The following RNF220 variants were observed in gnomAD, a reference collection of about 807,000 sequenced individuals.
RNF220 encodes the protein E3 ubiquitin-protein ligase RNF220.
In RNF220, 7 loss-of-function variants were observed where a neutral mutation model predicts 67.1. The observed-to-expected ratio is 0.10, with a 90% CI of 0.06 to 0.20. RNF220 has a LOEUF of 0.20. Among genes scored for constraint, RNF220 ranks in the 10% least tolerant of loss-of-function variants. The pLI is 1.00. For missense variants in RNF220, 565 were observed against 740.3 expected (o/e 0.76, Z 2.75); for synonymous variants, 270 against 283.2 (o/e 0.95, Z 0.47).
At chr1:44,548,659 T>A (rs975249307) in intron 2 of RNF220, among the ~76,000 whole-genome samples, 5 of 152,142 alleles carry the variant, frequency 3.3e-5, no homozygotes, top group Non-Finnish European at 5.9e-5. Flanking sequence ...GCTTAATTTT[T>A]AAAAATTATT....
chr1:44,494,274 G>A (rs952947109), intron 2 of RNF220, among the ~76,000 whole-genome samples: 2 of 151,940 alleles, frequency 1.3e-5, no homozygotes, highest in African/African-American at 4.8e-5. Context: ...GTGGAGAAGG[G>A]ATGAAGGGAT....
At chr1:44,640,490 A>G (rs1209211817) in intron 8 of RNF220, among the ~76,000 whole-genome samples, 1 of 152,162 alleles carries the variant, frequency 6.6e-6, no homozygotes, top group Admixed American at 6.5e-5. Context: ...TTTGGAACAC[A>G]ATTGTTAAGC....
intron 2 of RNF220, among the ~76,000 whole-genome samples, chr1:44,585,884 TA>T (rs1174895696): frequency 6.6e-6 from 1 of 152,186 alleles, no homozygotes; most frequent in Non-Finnish European, 1.5e-5. Context: ...ATGTTTGGTT[TA>T]GGTAATTTGC....
At chr1:44,505,812 C>A (rs930537790) in intron 2 of RNF220, among the ~76,000 whole-genome samples, 4 of 152,102 alleles carry the variant, frequency 2.6e-5, no homozygotes, top group South Asian at 4.1e-4. Context: ...ATGAACAATG[C>A]GACATGGCGC....
At chr1:44,501,506 C>T (rs891856039) in intron 2 of RNF220, among the ~76,000 whole-genome samples, 3 of 150,266 alleles carry the variant, frequency 2.0e-5, no homozygotes, top group Non-Finnish European at 2.9e-5. Context: ...CTTCCCGGGC[C>T]CAGGTGGAGG....
In RNF220 at chr1:44,645,682, G is replaced by A. The variant is rs979519920; in HGVS notation, c.1445+194G>A. On this transcript the variant is annotated intron_variant, in intron 12 of 14. Coordinates refer to ENST00000361799, the MANE Select transcript of RNF220 (RefSeq NM_018150.4). The surrounding 1 kb of genome is among the most constrained non-coding windows in gnomAD (Gnocchi z 5.0). ...CTCTGTGAATTGATCACTGGGCCAC[G>A]GCCCCAGAAGCCTTGGCGGTGGGAG... is the stretch of plus-strand genomic sequence containing the variant. Among the ~76,000 whole-genome samples, 2 of 152,204 alleles carry A rather than the reference G, an allele frequency of 1.3e-5. No individual in the cohort carries two copies. Among genetic ancestry groups the A allele is most frequent in the Non-Finnish European group, 2.9e-5 (2 of 68,036 alleles).
Position 44,548,034 on chromosome 1 carries a change from G to A in RNF220, c.626-66131G>A, listed in dbSNP as rs540639282. ...TTTTCTCTCTACCACGAACAGTACC[G>A]CTATTGTCCCAGGCCCTTAAGCCAG... On this transcript the variant is annotated intron_variant, in intron 2 of 14. Coordinates refer to ENST00000361799, the MANE Select transcript of RNF220 (RefSeq NM_018150.4). 3.9e-5 allele frequency among the ~76,000 whole-genome samples: 6 copies of A among 152,080 alleles called. 1 individual carries two copies. In the East Asian group the frequency reaches 9.7e-4, roughly 25 times the overall value.
intron 2 of RNF220, among the ~76,000 whole-genome samples, chr1:44,436,813 C>CA (rs1334700852): frequency 1.3e-5 from 2 of 152,158 alleles, no homozygotes; most frequent in African/African-American, 2.4e-5. Context: ...AAAACATACT[C>CA]ACACTCTTGG....
chr1:44,460,737 A>G (rs947272171), intron 2 of RNF220, among the ~76,000 whole-genome samples: 38 of 152,230 alleles, frequency 2.5e-4, no homozygotes, highest in Non-Finnish European at 8.8e-5. Flanking sequence ...CCCCAGCTAA[A>G]GAGGCCGTGC....
intron 8 of RNF220, chr1:44,636,422 G>A (rs974018437): frequency 2.8e-6 from 2 of 719,474 alleles, no homozygotes; most frequent in African/African-American, 1.7e-5. Context: ...AGCTTCGGGT[G>A]ATGCATTGAA....
At chr1:44,443,856 C>T (rs956059572) in intron 2 of RNF220, among the ~76,000 whole-genome samples, 12 of 152,100 alleles carry the variant, frequency 7.9e-5, no homozygotes, top group Non-Finnish European at 1.3e-4. Flanking sequence ...TTTGGGAGGC[C>T]GAGGCAGGCG....
Position 44,622,395 on chromosome 1 carries a change from G to A in RNF220, c.759-347G>A, listed in dbSNP as rs58436687. ...GGAGCTAAGAGCGGGCTGGGAACAG[G>A]GGGTGGAGAGAAGGGGGTCTCCAGG... On this transcript the variant is annotated intron_variant, in intron 3 of 14. Coordinates refer to ENST00000361799, the MANE Select transcript of RNF220 (RefSeq NM_018150.4). This position sits in a 1 kb window ranked among gnomAD's most constrained non-coding sequence, Gnocchi z 4.3. Among the ~76,000 whole-genome samples the A allele has an allele frequency of 4.7e-3, 719 of 152,336 alleles. 3 individuals are homozygous for A. Among genetic ancestry groups the A allele is most frequent in the African/African-American group, 0.012 (509 of 41,572 alleles).
chr1:44,548,872 G>T (rs1027054681), intron 2 of RNF220, among the ~76,000 whole-genome samples: 20 of 152,114 alleles, frequency 1.3e-4, no homozygotes, highest in Non-Finnish European at 2.5e-4. Flanking sequence ...TTTCTAGTAA[G>T]CAACTACTGT....
intron 2 of RNF220, among the ~76,000 whole-genome samples, chr1:44,452,273 G>T (rs61769117): frequency 0.27 from 41,328 of 152,098 alleles, 5,949 homozygotes; most frequent in Middle Eastern, 0.36. Flanking sequence ...TATGAGGCCA[G>T]CTGGGTGCGG....
rs1026617517 is a variant in RNF220 at position 44,651,100 on chromosome 1, C to T, written c.*325C>T. On this transcript the variant is annotated 3_prime_UTR_variant, in exon 15 of 15. Coordinates refer to ENST00000361799, the MANE Select transcript of RNF220 (RefSeq NM_018150.4). ...TCCTAAGATCCAGCCCCCATACTGACAGACGGACAGACAGACATGCAAACA... is the reference window on the plus strand; with the variant it reads ...TCCTAAGATCCAGCCCCCATACTGATAGACGGACAGACAGACATGCAAACA... 2.5e-6 allele frequency: 1 copy of T among 407,158 alleles called. No individual in the cohort carries two copies. Among genetic ancestry groups the T allele is most frequent in the African/African-American group, 2.0e-5 (1 of 49,306 alleles). 25.2% of individuals were successfully genotyped at this position (407,158 alleles called of 1,614,324 possible).
intron 2 of RNF220, among the ~76,000 whole-genome samples, chr1:44,578,421 C>T (rs372604722): frequency 6.6e-6 from 1 of 152,180 alleles, no homozygotes; most frequent in African/African-American, 2.4e-5. Context: ...CAGGCATGAG[C>T]TACCGCGCCT....
At chr1:44,521,853 A>G (rs755832114) in intron 2 of RNF220, among the ~76,000 whole-genome samples, 1 of 151,168 alleles carries the variant, frequency 6.6e-6, no homozygotes, top group Non-Finnish European at 1.5e-5. Flanking sequence ...TAGGCTCTCA[A>G]TTGATGTCTA....
At position 44,621,217 on chromosome 1, in the gene RNF220, T is replaced by C. The variant is rs928833741; in HGVS notation, c.759-1525T>C. Reference sequence around the variant, plus strand: ...AGGCGTGAGCCACTGCACCGGACCATGCATCTGTCTTTATGGACATGTGTC... The same window carrying C: ...AGGCGTGAGCCACTGCACCGGACCACGCATCTGTCTTTATGGACATGTGTC... On this transcript the variant is annotated intron_variant, in intron 3 of 14. Coordinates refer to ENST00000361799, the MANE Select transcript of RNF220 (RefSeq NM_018150.4). The surrounding 1 kb of genome is among the most constrained non-coding windows in gnomAD (Gnocchi z 4.8). Among the ~76,000 whole-genome samples, 1 of 152,334 alleles carries C rather than the reference T, an allele frequency of 6.6e-6. No individual in the cohort carries two copies. Among genetic ancestry groups the C allele is most frequent in the African/African-American group, 2.4e-5 (1 of 41,586 alleles).
chr1:44,529,151 AT>A (rs1423148127), intron 2 of RNF220, among the ~76,000 whole-genome samples: 1 of 152,182 alleles, frequency 6.6e-6, no homozygotes, highest in Non-Finnish European at 1.5e-5. Context: ...AAGGATCATC[AT>A]TTCAGTATTA....
Sources: allele counts gnomAD v4.1 joint callset (sites outside exome capture counted in the v4.1 genomes callset), GRCh38; gene constraint gnomAD v4.1.1; non-coding constraint Gnocchi (gnomAD v3.1); transcripts MANE v1.5; gene names NCBI Gene and HGNC (gene_info 2026-07-23, HGNC 2026-07-21).